TRIM69: variants seen among roughly 807,000 people sequenced by gnomAD.
The protein encoded by TRIM69 is E3 ubiquitin-protein ligase TRIM69.
Under a neutral mutation model 37.7 loss-of-function variants are expected in TRIM69, and 29 were observed. The ratio of observed to expected loss-of-function variants is 0.77; its 90% CI spans 0.57 to 1.05. The LOEUF (loss-of-function observed/expected upper bound fraction) is 1.05. TRIM69 is among the 50% of genes least tolerant of loss of function. TRIM69 has a pLI of 0.00. For missense variants in TRIM69, 596 were observed against 579.9 expected, an observed-to-expected ratio of 1.03 and a Z score of -0.28; for synonymous variants, 209 against 212.4, an observed-to-expected ratio of 0.98 and a Z score of 0.14.
chr15:44,760,034 C>A (rs1429626847), intron 6 of TRIM69, among the ~76,000 whole-genome samples, 162 bp downstream of exon 6: 2 of 152,062 alleles, frequency 1.3e-5, no homozygotes, highest in Non-Finnish European at 2.9e-5. Context: ...TCTTCTAGTA[C>A]CATGACCTAA....
chr15:44,755,024 G>A lies in TRIM69; in HGVS notation c.131G>A (p.Cys44Tyr). ...DITMELHCPL[C>Y]NDWFRDPLML... is the part of the protein sequence containing the mutation. ...ACTATGGAGCTACACTGCCCTCTGT[G>A]CAATGATTGGTTCCGAGACCCACTG... Residue 44 changes from cysteine (C) to tyrosine (Y), a missense_variant, in exon 2 of 7, where the codon TGC (cysteine) becomes TAC (tyrosine). By Grantham distance (194) the Cys-to-Tyr change is radical. Coordinates refer to ENST00000329464, the MANE Select transcript of TRIM69 (RefSeq NM_182985.5). The A allele has an allele frequency of 1.2e-6, 2 of 1,614,196 alleles. No individual in the cohort carries two copies. The highest frequency in any genetic ancestry group is 1.7e-6 in the Non-Finnish European group (2 of 1,180,040).
intron 1 of TRIM69, among the ~76,000 whole-genome samples, chr15:44,750,909 A>T (rs1326841649): frequency 1.7e-5 from 2 of 116,264 alleles, no homozygotes; most frequent in Non-Finnish European, 3.6e-5. Flanking sequence ...TCTTTTTAGT[A>T]GATTGTTTTT....
chr15:44,750,844 C>T (rs1340406824), intron 1 of TRIM69, among the ~76,000 whole-genome samples: 6 of 150,086 alleles, frequency 4.0e-5, no homozygotes, highest in Non-Finnish European at 5.9e-5. Context: ...CCTGCCTCAG[C>T]CTCCCGAGTA....
intron 1 of TRIM69, among the ~76,000 whole-genome samples, chr15:44,738,363 C>T (rs1234861134): frequency 5.3e-5 from 8 of 151,942 alleles, no homozygotes; most frequent in African/African-American, 7.2e-5. Flanking sequence ...CCTGGGCCAT[C>T]GTGACCTGCT....
At chr15:44,760,416 A>G (rs769922737) in intron 6 of TRIM69, among the ~76,000 whole-genome samples, 9 of 152,200 alleles carry the variant, frequency 5.9e-5, no homozygotes, top group Non-Finnish European at 1.2e-4. Flanking sequence ...AATAACACAC[A>G]TGGCATTTCA....
At chr15:44,740,100 T>C (rs559588960) in intron 1 of TRIM69, among the ~76,000 whole-genome samples, 1 of 152,348 alleles carries the variant, frequency 6.6e-6, no homozygotes, top group Non-Finnish European at 1.5e-5. Flanking sequence ...CAGCCACCGC[T>C]GCTGATACCC....
At chr15:44,751,893 G>GT (rs1432636118) in intron 1 of TRIM69, among the ~76,000 whole-genome samples, 1 of 151,370 alleles carries the variant, frequency 6.6e-6, no homozygotes, top group Non-Finnish European at 1.5e-5. Context: ...CCACGGACAT[G>GT]TTCCATTATG....
chr15:44,763,632 AT>A (rs1281266003), intron 6 of TRIM69, among the ~76,000 whole-genome samples: 6 of 152,000 alleles, frequency 3.9e-5, no homozygotes, highest in Admixed American at 3.9e-4. Flanking sequence ...CTGGTTGGTA[AT>A]TTTTTACTGG....
intron 1 of TRIM69, among the ~76,000 whole-genome samples, chr15:44,751,634 AT>A: frequency 6.6e-6 from 1 of 152,150 alleles, no homozygotes; most frequent in East Asian, 1.9e-4. Flanking sequence ...TCTAGGGAAA[AT>A]TTTGGCTATT....
intron 1 of TRIM69, among the ~76,000 whole-genome samples, chr15:44,747,269 G>C (rs1198868115): frequency 6.6e-6 from 1 of 151,870 alleles, no homozygotes. Context: ...GGAGGAGAGA[G>C]ACTCTGCATT....
chr15:44,759,540 G>T (rs564121943), intron 4 of TRIM69, 100 bp from the exon 5 acceptor site: 1 of 1,215,324 alleles, frequency 8.2e-7, no homozygotes, highest in Non-Finnish European at 1.2e-6. Flanking sequence ...AGATGAGTTC[G>T]GGACCATCTG....
Position 44,755,021 on chromosome 15 carries a change from T to C in TRIM69, c.128T>C (p.Leu43Pro). 1 of 1,614,112 alleles carries C rather than the reference T, an allele frequency of 6.2e-7. No individual in the cohort carries two copies. The highest frequency in any genetic ancestry group is 8.5e-7 in the Non-Finnish European group (1 of 1,179,940). ...ATTACTATGGAGCTACACTGCCCTC[T>C]GTGCAATGATTGGTTCCGAGACCCA... Reference protein sequence around the residue: ...QDITMELHCPLCNDWFRDPLM... With the variant: ...QDITMELHCPPCNDWFRDPLM... Residue 43 changes from leucine to proline, a missense_variant, in exon 2 of 7, where the codon CTG becomes CCG. Coordinates refer to ENST00000329464, the MANE Select transcript of TRIM69 (RefSeq NM_182985.5).
chr15:44,756,096 T>C (rs1453770046), intron 2 of TRIM69, among the ~76,000 whole-genome samples: 1 of 152,186 alleles, frequency 6.6e-6, no homozygotes, highest in East Asian at 1.9e-4. Context: ...CTCACTATGT[T>C]GCCCAGGCTG....
At chr15:44,764,181 A>G (rs955928015) in intron 6 of TRIM69, among the ~76,000 whole-genome samples, 1 of 152,222 alleles carries the variant, frequency 6.6e-6, no homozygotes, top group African/African-American at 2.4e-5. Flanking sequence ...CTTCCTGTAT[A>G]CTTTGCTCTG....
At chr15:44,748,825 C>CAAA (rs375092348) in intron 1 of TRIM69, among the ~76,000 whole-genome samples, 20 of 114,264 alleles carry the variant, frequency 1.8e-4, no homozygotes, top group African/African-American at 4.8e-4. Context: ...GACTTTGTCT[C>CAAA]AAAAAAAAAA....
At chr15:44,764,767 GGAGT>G (rs1344635929) in intron 6 of TRIM69, among the ~76,000 whole-genome samples, 7 of 152,168 alleles carry the variant, frequency 4.6e-5, no homozygotes, top group Non-Finnish European at 1.0e-4. Context: ...CAAATAATGT[GGAGT>G]GAACCATATG....
chr15:44,743,691 A>G lies in TRIM69; in HGVS notation c.6+6981A>G, dbSNP rs148721780. Among the ~76,000 whole-genome samples the G allele has an allele frequency of 4.4e-4, 67 of 152,366 alleles. No individual in the cohort carries two copies. The East Asian group carries it at 0.012, about 27-fold the overall frequency. On this transcript the variant is annotated intron_variant, in intron 1 of 6. Coordinates refer to ENST00000329464, the MANE Select transcript of TRIM69 (RefSeq NM_182985.5). ...TTCTCAGAAGACATTTATGCAGCCA[A>G]AATCACATGAAAAAATTCTCACCAT...
chr15:44,762,901 T>C (rs768132803), intron 6 of TRIM69, among the ~76,000 whole-genome samples: 19 of 152,150 alleles, frequency 1.2e-4, no homozygotes, highest in Non-Finnish European at 2.5e-4. Context: ...TAGTAATCTT[T>C]TTCTTTTTAA....
At position 44,767,624 on chromosome 15, in the gene TRIM69, G is replaced by T; in HGVS notation, c.1355G>T (p.Gly452Val). Residue 452 changes from glycine to valine, a missense_variant, in exon 7 of 7, where the codon GGA (glycine) becomes GTA (valine). By Grantham distance (109) the Gly-to-Val change is moderately radical. Transcript: ENST00000329464. ...GGCATATACCTGGATTATGAAGGAGGACAGTTGTCCTTCTACAATGCTAAA... is the reference window on the plus strand; with the variant it reads ...GGCATATACCTGGATTATGAAGGAGTACAGTTGTCCTTCTACAATGCTAAA... ...KVGIYLDYEG[G>V]QLSFYNAKTM... 1.2e-6 allele frequency: 2 copies of T among 1,614,092 alleles called. No homozygotes were observed. The highest frequency in any genetic ancestry group is 1.7e-6 in the Non-Finnish European group (2 of 1,180,016).
Sources: allele counts gnomAD v4.1 joint callset (sites outside exome capture counted in the v4.1 genomes callset), GRCh38; gene constraint gnomAD v4.1.1; transcripts MANE v1.5; gene names NCBI Gene and HGNC (gene_info 2026-07-23, HGNC 2026-07-21).